KCNB2: variants seen among roughly 807,000 people sequenced by gnomAD.
KCNB2 encodes the protein delayed rectifier potassium channel protein.
Under a neutral mutation model 61.5 loss-of-function variants are expected in KCNB2, and 15 were observed. The observed-to-expected ratio is 0.24, with a 90% CI of 0.16 to 0.38. The LOEUF (loss-of-function observed/expected upper bound fraction) is 0.38. KCNB2 is among the 10% of genes least tolerant of loss of function. The pLI, the probability that KCNB2 is intolerant of heterozygous loss-of-function variation, is 1.00. For synonymous variants in KCNB2, 457 were observed against 446.0 expected (o/e 1.02, Z -0.31); for missense variants, 828 against 1,125.2 (o/e 0.74, Z 3.78).
chr8:72,538,953 C>T (rs550564400), intron 1 of KCNB2, among the ~76,000 whole-genome samples: 1 of 152,236 alleles, frequency 6.6e-6, no homozygotes, highest in African/African-American at 2.4e-5. Context: ...GGTCAAAAAT[C>T]TTGTCTTACC....
chr8:72,856,334 G>C (rs1810207054), intron 2 of KCNB2, among the ~76,000 whole-genome samples: 1 of 151,906 alleles, frequency 6.6e-6, no homozygotes, highest in African/African-American at 2.4e-5. Flanking sequence ...ATGTCCATTT[G>C]GACTGATCAC....
intron 1 of KCNB2, among the ~76,000 whole-genome samples, chr8:72,552,156 T>A (rs1806355882): frequency 6.6e-6 from 1 of 152,204 alleles, no homozygotes; most frequent in African/African-American, 2.4e-5. Flanking sequence ...ATACCACTGC[T>A]GAGAATGGGA....
chr8:72,871,205 T>C (rs1805609152), intron 2 of KCNB2, among the ~76,000 whole-genome samples: 1 of 152,142 alleles, frequency 6.6e-6, no homozygotes. Context: ...GTATTATAAC[T>C]GAAAGTATCA....
intron 2 of KCNB2, among the ~76,000 whole-genome samples, chr8:72,744,588 A>G (rs1406458115): frequency 1.3e-5 from 2 of 152,186 alleles, no homozygotes; most frequent in Admixed American, 1.3e-4. Context: ...GCTAGGAAGT[A>G]GCTCCAGGAT....
intron 2 of KCNB2, among the ~76,000 whole-genome samples, chr8:72,684,384 G>A (rs1806813404): frequency 6.6e-6 from 1 of 152,202 alleles, no homozygotes; most frequent in African/African-American, 2.4e-5. Context: ...CTGCAGATGT[G>A]GCAGCTGACA....
At chr8:72,865,404 G>A (rs577332681) in intron 2 of KCNB2, among the ~76,000 whole-genome samples, 35 of 151,936 alleles carry the variant, frequency 2.3e-4, no homozygotes, top group African/African-American at 4.8e-4. Flanking sequence ...GTTCTTTTCC[G>A]TTCTTTCTCT....
intron 2 of KCNB2, among the ~76,000 whole-genome samples, chr8:72,614,276 T>A (rs1210941984): frequency 6.6e-6 from 1 of 152,180 alleles, no homozygotes. Flanking sequence ...ATTTTATAGA[T>A]ACAGAAAGAT....
intron 1 of KCNB2, among the ~76,000 whole-genome samples, chr8:72,552,663 G>A (rs1806362458): frequency 1.3e-5 from 2 of 152,160 alleles, no homozygotes; most frequent in Non-Finnish European, 2.9e-5. Flanking sequence ...GTACCAGTTT[G>A]ACTTTGATGA....
intron 2 of KCNB2, among the ~76,000 whole-genome samples, chr8:72,784,684 A>G (rs1808818454): frequency 6.6e-6 from 1 of 152,214 alleles, no homozygotes; most frequent in Non-Finnish European, 1.5e-5. Context: ...AACTGCCTTC[A>G]TGATCTAATC....
At chr8:72,770,912 A>G (rs1178709026) in intron 2 of KCNB2, among the ~76,000 whole-genome samples, 1 of 152,268 alleles carries the variant, frequency 6.6e-6, no homozygotes, top group African/African-American at 2.4e-5. Context: ...TAAGCAACAT[A>G]CATTAACTTC....
chr8:72,763,887 G>A (rs2128996651), intron 2 of KCNB2, among the ~76,000 whole-genome samples: 1 of 152,284 alleles, frequency 6.6e-6, no homozygotes, highest in East Asian at 1.9e-4. Flanking sequence ...GGAGACCCTG[G>A]GGAAGGAGCT....
At chr8:72,690,974 G>C (rs1277498985) in intron 2 of KCNB2, among the ~76,000 whole-genome samples, 1 of 152,172 alleles carries the variant, frequency 6.6e-6, no homozygotes, top group East Asian at 1.9e-4. Context: ...TGTCGTATTT[G>C]AAATACCCAC....
intron 2 of KCNB2, among the ~76,000 whole-genome samples, chr8:72,899,339 T>G (rs1017806866): frequency 3.9e-5 from 6 of 152,080 alleles, no homozygotes; most frequent in Non-Finnish European, 8.8e-5. Flanking sequence ...TGATGGCCAC[T>G]CTCACCACTC....
chr8:72,688,883 C>A (rs1410873071), intron 2 of KCNB2, among the ~76,000 whole-genome samples: 1 of 152,142 alleles, frequency 6.6e-6, no homozygotes, highest in Non-Finnish European at 1.5e-5. Flanking sequence ...CACACCACCA[C>A]AGCTGGCTAA....
chr8:72,794,740 A>G (rs62518158), intron 2 of KCNB2, among the ~76,000 whole-genome samples: 21,452 of 152,158 alleles, frequency 0.14, 1,835 homozygotes, highest in South Asian at 0.3. Context: ...TTGAATAGAT[A>G]ATTATGGAGC....
chr8:72,558,026 T>G (rs899401229), intron 1 of KCNB2, among the ~76,000 whole-genome samples: 1 of 152,190 alleles, frequency 6.6e-6, no homozygotes, highest in African/African-American at 2.4e-5. Flanking sequence ...GCTTTGAAAT[T>G]TATTACTTAT....
At chr8:72,574,220 C>A (rs1268285219) in intron 2 of KCNB2, among the ~76,000 whole-genome samples, 1 of 152,178 alleles carries the variant, frequency 6.6e-6, no homozygotes, top group Non-Finnish European at 1.5e-5. Context: ...ATTTCTAGAT[C>A]CATGCTTCTC....
intron 2 of KCNB2, among the ~76,000 whole-genome samples, chr8:72,679,998 C>T (rs991679124): frequency 1.1e-4 from 16 of 152,108 alleles, no homozygotes; most frequent in Non-Finnish European, 2.4e-4. Flanking sequence ...AAGCTAAGAT[C>T]GATAATGCAA....
chr8:72,595,291 T>C (rs1002669216), intron 2 of KCNB2, among the ~76,000 whole-genome samples: 2 of 151,848 alleles, frequency 1.3e-5, no homozygotes, highest in Admixed American at 1.3e-4. Flanking sequence ...TGCTAATTCC[T>C]GAAATCCTTG....
Sources: allele counts gnomAD v4.1 joint callset (sites outside exome capture counted in the v4.1 genomes callset), GRCh38; gene constraint gnomAD v4.1.1; transcripts MANE v1.5; gene names NCBI Gene and HGNC (gene_info 2026-07-23, HGNC 2026-07-21).